Variants in STAU2 observed in about 807,000 individuals in gnomAD.
The protein encoded by STAU2 is double-stranded RNA-binding protein Staufen homolog 2.
In STAU2, 20 loss-of-function variants were observed where a neutral mutation model predicts 65.9. The observed-to-expected ratio is 0.30, with a 90% CI of 0.21 to 0.44. STAU2 has a LOEUF of 0.44. Among genes scored for constraint, STAU2 ranks in the 20% least tolerant of loss-of-function variants. The probability of loss-of-function intolerance (pLI) is 1.00; values close to 1 mark genes in which losing one functional copy is unlikely to be tolerated. For missense variants in STAU2, 558 were observed against 683.9 expected (o/e 0.82, Z 2.05); for synonymous variants, 232 against 233.9 (o/e 0.99, Z 0.07).
chr8:73,487,302 T>C (rs1170622567), intron 13 of STAU2, among the ~76,000 whole-genome samples: 2 of 152,030 alleles, frequency 1.3e-5, no homozygotes, highest in Non-Finnish European at 2.9e-5. Context: ...TGGTGGGTGG[T>C]AGGAGTGGAG....
intron 13 of STAU2, among the ~76,000 whole-genome samples, chr8:73,464,215 G>A (rs954827951): frequency 1.3e-5 from 2 of 152,132 alleles, no homozygotes; most frequent in Admixed American, 6.5e-5. Context: ...AGATCAAGCA[G>A]AACCCAGTTT....
chr8:73,541,022 T>A (rs1205425861), intron 13 of STAU2, among the ~76,000 whole-genome samples: 1 of 152,150 alleles, frequency 6.6e-6, no homozygotes, highest in Non-Finnish European at 1.5e-5. Context: ...CTGCTAAACT[T>A]CACATGCACA....
chr8:73,457,225 A>G lies in STAU2; in HGVS notation c.1531-34523T>C, dbSNP rs1392792656. Among the ~76,000 whole-genome samples the G allele has an allele frequency of 4.9e-5, 3 of 61,116 alleles. No individual in the cohort carries two copies. The Admixed American group carries it at 5.6e-4, about 11-fold the overall frequency. 40.1% of individuals were successfully genotyped at this position (61,116 alleles called of 152,430 possible). ...TCTACCCCAGCTTAGAAACACACAG[A>G]AAGAAATTTCAACAACCAAAAACCA... On this transcript the variant is annotated intron_variant, in intron 13 of 14. Transcript: ENST00000524300.
chr8:73,603,615 G>T, intron 10 of STAU2, 111 bp downstream of exon 10: 1 of 1,387,208 alleles, frequency 7.2e-7, no homozygotes, highest in Non-Finnish European at 9.7e-7. Flanking sequence ...TGCTTTAACT[G>T]GAAACAGTTT....
At chr8:73,562,675 T>G (rs1808315355) in intron 12 of STAU2, among the ~76,000 whole-genome samples, 1 of 152,224 alleles carries the variant, frequency 6.6e-6, no homozygotes, top group Non-Finnish European at 1.5e-5. Flanking sequence ...AAACACTTTC[T>G]TACAATTCTC....
rs144385096 is a variant in STAU2, at chr8:73,635,554, C to T, written c.411-18103G>A. Among the ~76,000 whole-genome samples, 1,124 of 152,114 alleles carry T rather than the reference C, an allele frequency of 7.4e-3. 11 individuals are homozygous for T. The highest frequency in any genetic ancestry group is 0.026 in the African/African-American group (1,059 of 41,492). ...AGAAATAAAAATCTGAGGCCGAGGG[C>T]GGTGGCTCATGCCTGTAATCCCAGC... is the stretch of plus-strand genomic sequence containing the variant. On this transcript the variant is annotated intron_variant, in intron 6 of 14. Transcript: ENST00000524300.
intron 3 of STAU2, among the ~76,000 whole-genome samples, chr8:73,736,806 AG>A (rs762402397): frequency 6.6e-6 from 1 of 152,254 alleles, no homozygotes; most frequent in Non-Finnish European, 1.5e-5. Context: ...TGGGATGCAC[AG>A]GAACTGGAAA....
intron 3 of STAU2, among the ~76,000 whole-genome samples, chr8:73,714,016 G>A (rs990936059): frequency 6.6e-6 from 1 of 152,020 alleles, no homozygotes; most frequent in Non-Finnish European, 1.5e-5. Context: ...TGATTCTCCT[G>A]CCTCAGCCTC....
chr8:73,588,686 G>A (rs7820514), intron 11 of STAU2, among the ~76,000 whole-genome samples: 31,919 of 152,108 alleles, frequency 0.21, 4,037 homozygotes, highest in African/African-American at 0.36. Context: ...GAAGAGGATT[G>A]AAAGCAAAAG....
chr8:73,743,417 G>A (rs561961501), intron 1 of STAU2, among the ~76,000 whole-genome samples: 5 of 150,344 alleles, frequency 3.3e-5, no homozygotes, highest in African/African-American at 1.2e-4. Flanking sequence ...GCCCAAAGTC[G>A]TCTTTTCTTC....
chr8:73,431,396 A>C (rs1427903991), intron 13 of STAU2, among the ~76,000 whole-genome samples: 1 of 152,220 alleles, frequency 6.6e-6, no homozygotes, highest in Non-Finnish European at 1.5e-5. Flanking sequence ...TAAAGCAATA[A>C]ATGTAGCTTC....
intron 3 of STAU2, among the ~76,000 whole-genome samples, chr8:73,737,824 T>G (rs752175793): frequency 5.3e-5 from 8 of 151,810 alleles, no homozygotes; most frequent in Non-Finnish European, 1.0e-4. Context: ...TTTCAGTGAG[T>G]CTAAAGTATT....
chr8:73,647,840 C>G (rs1815506985), intron 6 of STAU2, among the ~76,000 whole-genome samples: 1 of 152,112 alleles, frequency 6.6e-6, no homozygotes, highest in Admixed American at 6.6e-5. Flanking sequence ...CTGGGCCTTT[C>G]AAAAGAGCTA....
At chr8:73,529,890 A>G (rs1585941231) in intron 13 of STAU2, among the ~76,000 whole-genome samples, 1 of 152,352 alleles carries the variant, frequency 6.6e-6, no homozygotes, top group Non-Finnish European at 1.5e-5. Flanking sequence ...GGAAGCTCAA[A>G]ATAAAAAACC....
At chr8:73,628,328 G>A (rs949702387) in intron 6 of STAU2, among the ~76,000 whole-genome samples, 17 of 151,780 alleles carry the variant, frequency 1.1e-4, no homozygotes, top group Non-Finnish European at 1.8e-4. Flanking sequence ...CAACTCGGGC[G>A]CCCAAAGTGC....
intron 6 of STAU2, among the ~76,000 whole-genome samples, chr8:73,657,368 A>G (rs1381933749): frequency 6.6e-6 from 1 of 152,230 alleles, no homozygotes; most frequent in Non-Finnish European, 1.5e-5. Context: ...GGGCCCTTCT[A>G]CTTGAAAAAT....
rs569600617 is a variant in STAU2 at position 73,471,817 on chromosome 8, T to TAAAAAA, written c.1531-49121_1531-49116dup. Among the ~76,000 whole-genome samples the TAAAAAA allele has an allele frequency of 6.8e-3, 586 of 86,782 alleles. 23 individuals are homozygous for TAAAAAA. The highest frequency in any genetic ancestry group is 0.026 in the African/African-American group (551 of 21,440). 56.9% of individuals were successfully genotyped at this position (86,782 alleles called of 152,430 possible). ...TGGGCAACAAGGGCGAGACTCCAAC[T>TAAAAAA]AAAAAAAAAAAAAAAAAAAAGAGAG... On this transcript the variant is annotated intron_variant, in intron 13 of 14. Transcript: ENST00000524300.
chr8:73,737,834 T>C (rs760657918), intron 3 of STAU2, among the ~76,000 whole-genome samples: 7 of 151,846 alleles, frequency 4.6e-5, no homozygotes, highest in Non-Finnish European at 8.8e-5. Context: ...TCTAAAGTAT[T>C]AAATGCTGTA....
At chr8:73,695,309 G>C (rs1819626065) in intron 4 of STAU2, among the ~76,000 whole-genome samples, 1 of 152,134 alleles carries the variant, frequency 6.6e-6, no homozygotes, top group South Asian at 2.1e-4. Context: ...AGAGCCGTGA[G>C]GCCCCCATTC....
Sources: gnomAD v4.1 joint callset for allele counts (sites outside exome capture counted in the v4.1 genomes callset) on GRCh38, gnomAD v4.1.1 for gene constraint, MANE v1.5 for transcripts, NCBI Gene and HGNC (gene_info 2026-07-23, HGNC 2026-07-21) for gene names.